Variants in FAM114A2 observed in about 807,000 individuals in gnomAD.
FAM114A2 encodes the protein protein FAM114A2.
FAM114A2 carries 53 observed loss-of-function variants against 58.4 expected under a neutral mutation model. The ratio of observed to expected loss-of-function variants is 0.91; its 90% CI spans 0.73 to 1.14. The LOEUF is 1.14. FAM114A2 is among the 50% of genes most tolerant of loss of function. The pLI, the probability that FAM114A2 is intolerant of heterozygous loss-of-function variation, is 0.00. For missense variants in FAM114A2, 601 were observed against 581.1 expected (o/e 1.03, Z -0.35); for synonymous variants, 228 against 211.4 (o/e 1.08, Z -0.68).
intron 8 of FAM114A2, among the ~76,000 whole-genome samples, chr5:154,018,168 C>T (rs1346983344): frequency 6.6e-6 from 1 of 152,058 alleles, no homozygotes; most frequent in Non-Finnish European, 1.5e-5. Flanking sequence ...AGACCATTCG[C>T]AAGATTAACC....
At position 153,992,703 on chromosome 5, in the gene FAM114A2, C is replaced by T. The variant is rs1180817604; in HGVS notation, c.*273G>A. The T allele has an allele frequency of 4.0e-6, 1 of 253,024 alleles. No homozygotes were observed. The highest frequency in any genetic ancestry group is 7.4e-6 in the Non-Finnish European group (1 of 134,620). 15.7% of individuals were successfully genotyped at this position (253,024 alleles called of 1,614,324 possible). A position where few individuals can be genotyped will look rare whatever the true frequency, so the allele number is the denominator to read the frequency against. ...AAGACCAACATTTTTGCCTGAGTGT[C>T]CCACTAATCTTTATCTAGAGTTATT... On this transcript the variant is annotated 3_prime_UTR_variant, in exon 14 of 14. Coordinates refer to ENST00000351797, the MANE Select transcript of FAM114A2 (RefSeq NM_018691.4).
At chr5:153,993,914 G>C (rs1054516975) in intron 13 of FAM114A2, among the ~76,000 whole-genome samples, 1 of 152,146 alleles carries the variant, frequency 6.6e-6, no homozygotes, top group Admixed American at 6.5e-5. Context: ...CACACAAAAG[G>C]GACCTCAGAT....
rs1770024107 is a variant in FAM114A2 at position 154,002,259 on chromosome 5, A to T, written c.1248T>A (p.Thr416=). 6.2e-7 allele frequency: 1 copy of T among 1,613,680 alleles called. No homozygotes were observed. Among genetic ancestry groups the T allele is most frequent in the Admixed American group, 1.7e-5 (1 of 60,014 alleles). ...QEVTAIERSQ[T]LSQMTIVLCK... ...ATTCTCATTACACTTACTGGGAAAGAGTTTGGCTCCTTTCTATGGCTGTCA... is the reference window on the plus strand; with the variant it reads ...ATTCTCATTACACTTACTGGGAAAGTGTTTGGCTCCTTTCTATGGCTGTCA... Residue 416 remains threonine (T), a synonymous_variant, in exon 11 of 14, where the codon ACT becomes ACA. Coordinates refer to ENST00000351797, the MANE Select transcript of FAM114A2 (RefSeq NM_018691.4).
intron 6 of FAM114A2, chr5:154,027,610 C>A: frequency 4.0e-6 from 1 of 247,512 alleles, no homozygotes; most frequent in Non-Finnish European, 7.7e-6. Flanking sequence ...AAGCTATTCT[C>A]GTGTTTCAGC....
intron 9 of FAM114A2, 95 bp from the exon 10 acceptor site, chr5:154,003,064 G>C: frequency 1.8e-6 from 2 of 1,128,242 alleles, no homozygotes; most frequent in South Asian, 2.7e-5. Flanking sequence ...TAGAAGTAAG[G>C]GCTCCTGTTC....
chr5:153,997,282 T>G (rs1014634527), intron 12 of FAM114A2, among the ~76,000 whole-genome samples: 1 of 152,132 alleles, frequency 6.6e-6, no homozygotes, highest in African/African-American at 2.4e-5. Context: ...TGGAAACATA[T>G]TCACATAAAA....
chr5:154,012,470 T>C (rs1285032087), intron 8 of FAM114A2, among the ~76,000 whole-genome samples: 1 of 152,210 alleles, frequency 6.6e-6, no homozygotes, highest in Non-Finnish European at 1.5e-5. Context: ...ATAGAAATCT[T>C]CTAGCAATCT....
At position 154,029,635 on chromosome 5, in the gene FAM114A2, C is replaced by A. The variant is rs77428878; in HGVS notation, c.404-55G>T. ...AAGGGAAGGTCCCTTAACTCTCAGG[C>A]TTTATTAGCATCTATGTGAATTTTT... On this transcript the variant is annotated intron_variant, in intron 4 of 13. Transcript: ENST00000351797. 3.2e-6 allele frequency: 3 copies of A among 952,080 alleles called. No homozygotes were observed. The African/African-American group carries it at 4.9e-5, about 16-fold the overall frequency. The allele number at this position is 952,080 out of a possible 1,614,324, so 59.0% of individuals were successfully genotyped here. A position where few individuals can be genotyped will look rare whatever the true frequency, so the allele number is the denominator to read the frequency against.
chr5:154,002,914 T>C lies in FAM114A2; in HGVS notation c.1049A>G (p.Glu350Gly), dbSNP rs750837703. Residue 350 changes from glutamate to glycine, a missense_variant, in exon 10 of 14, where the codon GAG (glutamate) becomes GGG (glycine). Transcript: ENST00000351797. ...IRKSLTKPLA[E>G]NEEGEKQSEA... ...CGACTGTTTTTCTCCTTCTTCATTC[T>C]CTGCTAATGGCTTGGTCAGAGACTT... The C allele has an allele frequency of 3.7e-6, 6 of 1,614,050 alleles. No individual in the cohort carries two copies. The highest frequency in any genetic ancestry group is 5.1e-6 in the Non-Finnish European group (6 of 1,179,878).
At chr5:154,015,714 T>G (rs1298603773) in intron 8 of FAM114A2, among the ~76,000 whole-genome samples, 3 of 151,934 alleles carry the variant, frequency 2.0e-5, no homozygotes, top group Non-Finnish European at 4.4e-5. Context: ...AAAACAAGGT[T>G]CTTTAACACC....
intron 8 of FAM114A2, among the ~76,000 whole-genome samples, chr5:154,015,052 G>C (rs891258415): frequency 9.2e-5 from 14 of 152,094 alleles, no homozygotes; most frequent in Admixed American, 9.2e-4. Flanking sequence ...CAACCTGCAT[G>C]ACACAGCAGA....
chr5:154,001,838 T>C (rs1769997914), intron 11 of FAM114A2, among the ~76,000 whole-genome samples: 1 of 152,198 alleles, frequency 6.6e-6, no homozygotes, highest in South Asian at 2.1e-4. Flanking sequence ...TGATTAAAAC[T>C]GGACTAATTA....
intron 4 of FAM114A2, among the ~76,000 whole-genome samples, chr5:154,030,721 T>A (rs528699022): frequency 6.6e-6 from 1 of 152,296 alleles, no homozygotes; most frequent in African/African-American, 2.4e-5. Flanking sequence ...GTTCTAAGAA[T>A]CCGCATAGGC....
In FAM114A2 at chr5:154,002,846, C is replaced by T. The variant is rs979523131; in HGVS notation, c.1116+1G>A. 2.5e-6 allele frequency: 4 copies of T among 1,613,998 alleles called. No homozygotes were observed. In the African/African-American group the frequency reaches 5.3e-5, roughly 22 times the overall value. Reference sequence around the variant, plus strand: ...AAAAAAGGCTTAGTTGCTTTGGCTACCTCTATTGAATTTTTGTTGACTTGC... The same window carrying T: ...AAAAAAGGCTTAGTTGCTTTGGCTATCTCTATTGAATTTTTGTTGACTTGC... On this transcript the variant is annotated splice_donor_variant, in intron 10 of 13. Transcript: ENST00000351797. LOFTEE classifies it high-confidence loss of function.
intron 1 of FAM114A2, chr5:154,037,040 C>T (rs779502109): frequency 1.3e-5 from 2 of 152,198 alleles, no homozygotes; most frequent in Non-Finnish European, 2.9e-5. Flanking sequence ...AATTATGCTA[C>T]CTGATTAACC....
intron 13 of FAM114A2, among the ~76,000 whole-genome samples, chr5:153,994,321 T>C (rs1769423971): frequency 6.6e-6 from 1 of 152,190 alleles, no homozygotes; most frequent in Non-Finnish European, 1.5e-5. Flanking sequence ...AAGTCTATGT[T>C]GTCTGCACAG....
intron 12 of FAM114A2, among the ~76,000 whole-genome samples, chr5:153,995,902 C>CT (rs1462894613): frequency 6.6e-6 from 1 of 152,170 alleles, no homozygotes; most frequent in Non-Finnish European, 1.5e-5. Context: ...CAGAGTTGCT[C>CT]TTTAAAACCA....
At position 153,991,166 on chromosome 5, in the gene FAM114A2, T is replaced by C. The variant is rs1769231938; in HGVS notation, c.*1810A>G. 1.3e-5 allele frequency: 2 copies of C among 152,140 alleles called. No individual in the cohort carries two copies. Among genetic ancestry groups the C allele is most frequent in the South Asian group, 4.1e-4 (2 of 4,826 alleles). 9.4% of individuals were successfully genotyped at this position (152,140 alleles called of 1,614,324 possible). A position where few individuals can be genotyped will look rare whatever the true frequency, so the allele number is the denominator to read the frequency against. On this transcript the variant is annotated 3_prime_UTR_variant, in exon 14 of 14. Transcript: ENST00000351797. ...ACCTTATGTGAGACCTAATCTAAAA[T>C]TTGCCAAATTCAGGGCTGAAATCTG... is the stretch of plus-strand genomic sequence containing the variant.
intron 7 of FAM114A2, among the ~76,000 whole-genome samples, 158 bp from the exon 8 acceptor site, chr5:154,026,680 G>C (rs988182387): frequency 6.6e-6 from 1 of 152,150 alleles, no homozygotes; most frequent in Non-Finnish European, 1.5e-5. Flanking sequence ...CAAGAGGCTG[G>C]TTATGACAGA....
Sources: allele counts gnomAD v4.1 joint callset (sites outside exome capture counted in the v4.1 genomes callset), GRCh38; gene constraint gnomAD v4.1.1; transcripts MANE v1.5; gene names NCBI Gene and HGNC (gene_info 2026-07-23, HGNC 2026-07-21).